The following ZNF658 variants were observed in gnomAD, a reference collection of about 807,000 sequenced individuals.
ZNF658 encodes the protein zinc finger protein 658.
A neutral mutation model predicts 78.0 loss-of-function variants in ZNF658; 46 were observed. That is an observed-to-expected ratio of 0.59 (90% confidence interval 0.47 to 0.75). The LOEUF (loss-of-function observed/expected upper bound fraction) is 0.75. ZNF658 is among the 30% of genes least tolerant of loss of function. The pLI is 0.00. For missense variants in ZNF658, 785 were observed against 1,189.3 expected, an observed-to-expected ratio of 0.66 and a Z score of 5.00; for synonymous variants, 279 against 408.4, an observed-to-expected ratio of 0.68 and a Z score of 3.82.
chr9:66,921,009 A>C lies in ZNF658; in HGVS notation c.*263A>C. 3 of 526,228 alleles carry C rather than the reference A, an allele frequency of 5.7e-6. No homozygotes were observed. Among genetic ancestry groups the C allele is most frequent in the Non-Finnish European group, 1.0e-5 (3 of 292,834 alleles). 32.6% of individuals were successfully genotyped at this position (526,228 alleles called of 1,614,324 possible). ...AGATGGATTTGGAGGTTATTTCTGC[A>C]GCAAACTTGGGTCCTGTGTGTTCAA... On this transcript the variant is annotated 3_prime_UTR_variant, in exon 5 of 5. Coordinates refer to ENST00000621410, the MANE Select transcript of ZNF658 (RefSeq NM_033160.7).
chr9:66,918,253 T>C lies in ZNF658; in HGVS notation c.687T>C (p.Ile229=), dbSNP rs12345072. The part of the protein sequence containing the change: ...GSGQGLYDKT[I]CITPQSFLTG... ...GACAAGGTTTATATGATAAGACAAT[T>C]TGTATTACACCTCAGAGTTTTCTAA... The change falls in exon 5 of 5, where the codon ATT becomes ATC. Residue 229 remains isoleucine (I), a synonymous_variant. Transcript: ENST00000621410. The C allele has an allele frequency of 4.7e-3, 7,555 of 1,608,044 alleles. 112 individuals carry two copies. The highest frequency in any genetic ancestry group is 0.033 in the East Asian group (1,458 of 44,822).
chr9:66,909,571 G>T (rs12346908), intron 4 of ZNF658, among the ~76,000 whole-genome samples: 80,057 of 150,888 alleles, frequency 0.53, 21,674 homozygotes, highest in African/African-American at 0.65. Flanking sequence ...TATTTCTCTT[G>T]TGTATATTCC....
intron 6 of ZNF658, among the ~76,000 whole-genome samples, chr9:66,928,884 T>C (rs1822612409): frequency 6.7e-6 from 1 of 148,260 alleles, no homozygotes; most frequent in Non-Finnish European, 1.5e-5. Flanking sequence ...TGACTTTTAA[T>C]GATAGTTTCC....
In ZNF658 at chr9:66,918,608, G is replaced by A. The variant is rs775891803; in HGVS notation, c.1042G>A (p.Ala348Thr). The A allele has an allele frequency of 3.1e-6, 5 of 1,610,158 alleles. No homozygotes were observed. In the South Asian group the frequency reaches 3.3e-5, roughly 11 times the overall value. ...SAHIVHQKTQAGDKFGEHNEC... is the reference protein window; with the variant it reads ...SAHIVHQKTQTGDKFGEHNEC... ...CCATATAGTACATCAGAAAACACAAGCTGGAGATAAATTTGGTGAACATAA... is the reference window on the plus strand; with the variant it reads ...CCATATAGTACATCAGAAAACACAAACTGGAGATAAATTTGGTGAACATAA... Residue 348 changes from alanine to threonine, a missense_variant, in exon 5 of 5, where the codon GCT becomes ACT. Physicochemically the swap from Ala to Thr is moderately conservative, Grantham distance 58. Around this residue, in one of 12 missense-constraint regions of ZNF658, gnomAD observed 393 missense variants for 400.2 expected, o/e 0.98. Coordinates refer to ENST00000621410, the MANE Select transcript of ZNF658 (RefSeq NM_033160.7).
chr9:66,926,451 T>C (rs1198323223), intron 6 of ZNF658, among the ~76,000 whole-genome samples: 2 of 151,746 alleles, frequency 1.3e-5, no homozygotes, highest in South Asian at 2.1e-4. Context: ...GAAAGAAAAT[T>C]AGGAAACCAA....
intron 4 of ZNF658, 84 bp downstream of exon 4, chr9:66,908,818 C>A: frequency 1.2e-6 from 1 of 819,882 alleles, no homozygotes; most frequent in Non-Finnish European, 2.0e-6. Context: ...TTTGGAACAG[C>A]TTTATTGAGA....
chr9:66,910,720 C>G (rs1264894293), intron 4 of ZNF658, among the ~76,000 whole-genome samples: 1 of 150,992 alleles, frequency 6.6e-6, no homozygotes. Flanking sequence ...GGCGTGAACC[C>G]AGGAGGCAGA....
At chr9:66,901,050 G>A (rs1051963379) in intron 1 of ZNF658, 1 of 152,312 alleles carries the variant, frequency 6.6e-6, no homozygotes, top group Non-Finnish European at 1.5e-5. Flanking sequence ...GGAAATGTGC[G>A]TGGATGAGGT....
At chr9:66,902,828 TGATTA>T (rs1424805946) in intron 1 of ZNF658, 1 of 152,210 alleles carries the variant, frequency 6.6e-6, no homozygotes, top group Non-Finnish European at 1.5e-5. Flanking sequence ...AGTAAGAACT[TGATTA>T]AGTCAGCCTG....
intron 4 of ZNF658, among the ~76,000 whole-genome samples, chr9:66,915,425 A>T (rs966528910): frequency 1.3e-5 from 2 of 151,302 alleles, no homozygotes; most frequent in Admixed American, 1.3e-4. Context: ...AGAGACTAGA[A>T]TGCTGTTACA....
downstream of ZNF658, among the ~76,000 whole-genome samples, chr9:66,923,205 C>T (rs1394305171): frequency 6.6e-5 from 10 of 150,606 alleles, no homozygotes; most frequent in South Asian, 6.5e-4. Flanking sequence ...GTCCAAAAGC[C>T]GAAGAACTTG....
At position 66,903,091 on chromosome 9, in the gene ZNF658, C is replaced by T. The variant is rs371241647; in HGVS notation, c.-44-427C>T. The T allele has an allele frequency of 4.1e-4, 73 of 177,404 alleles. No individual in the cohort carries two copies. In the East Asian group the frequency reaches 8.6e-3, roughly 21 times the overall value. 11.0% of individuals were successfully genotyped at this position (177,404 alleles called of 1,614,324 possible). ...CTTCATCTCTGTGTACCTGAACTTGCTTAATCCTTTGTTTTATTTTTACTT... is the reference window on the plus strand; with the variant it reads ...CTTCATCTCTGTGTACCTGAACTTGTTTAATCCTTTGTTTTATTTTTACTT... On this transcript the variant is annotated intron_variant, in intron 1 of 4. Coordinates refer to ENST00000621410, the MANE Select transcript of ZNF658 (RefSeq NM_033160.7).
At chr9:66,912,726 G>T (rs1439872076) in intron 4 of ZNF658, among the ~76,000 whole-genome samples, 1 of 152,054 alleles carries the variant, frequency 6.6e-6, no homozygotes, top group Non-Finnish European at 1.5e-5. Context: ...CCCAACTCAG[G>T]GTTGCCACAA....
intron 6 of ZNF658, among the ~76,000 whole-genome samples, chr9:66,931,293 T>C (rs1309750766): frequency 1.3e-5 from 2 of 150,486 alleles, no homozygotes; most frequent in Admixed American, 6.6e-5. Context: ...GTCTTTTGCA[T>C]TTGTGTGTGT....
intron 4 of ZNF658, among the ~76,000 whole-genome samples, chr9:66,913,167 G>GT (rs1409959459): frequency 6.6e-6 from 1 of 151,132 alleles, no homozygotes; most frequent in Non-Finnish European, 1.5e-5. Flanking sequence ...GCTCACACCT[G>GT]TAATCCTAGC....
intron 2 of ZNF658, among the ~76,000 whole-genome samples, chr9:66,904,513 T>C (rs1345320678): frequency 2.6e-5 from 4 of 152,148 alleles, no homozygotes; most frequent in African/African-American, 7.2e-5. Flanking sequence ...CTTGTTTTTT[T>C]CTTTTTTTAA....
chr9:66,908,136 C>T (rs2065840591), intron 2 of ZNF658, 102 bp from the exon 3 acceptor site: 4 of 1,600,372 alleles, frequency 2.5e-6, no homozygotes, highest in East Asian at 4.5e-5. Context: ...CCTTTATAAC[C>T]ATTCATTTTA....
Position 66,920,279 on chromosome 9 carries a change from T to TA in ZNF658, c.2713_2714insA (p.Ser905TyrfsTer7), listed in dbSNP as rs1822483919. 6.2e-7 allele frequency: 1 copy of TA among 1,609,202 alleles called. No homozygotes were observed. The highest frequency in any genetic ancestry group is 1.1e-5 in the South Asian group (1 of 90,812). On this transcript the variant is annotated frameshift_variant, in exon 5 of 5. Transcript: ENST00000621410. LOFTEE classifies it high-confidence loss of function. ...TCTCAGAGCACATCTTAGAACTCGC[T>TA]CAGGGGAGAAACCCTATGAATGCAG...
chr9:66,901,804 C>T (rs1469507171), intron 1 of ZNF658, among the ~76,000 whole-genome samples: 2 of 151,576 alleles, frequency 1.3e-5, no homozygotes, highest in South Asian at 2.1e-4. Context: ...ATTAGCCGGG[C>T]GTGGTGGTGC....
Sources: allele counts gnomAD v4.1 joint callset (sites outside exome capture counted in the v4.1 genomes callset), GRCh38; gene constraint gnomAD v4.1.1; regional missense constraint gnomAD v4.1.1; transcripts MANE v1.5; gene names NCBI Gene and HGNC (gene_info 2026-07-23, HGNC 2026-07-21).